The following MCPH1 variants were observed in gnomAD, a reference collection of about 807,000 sequenced individuals.
MCPH1 encodes the protein microcephalin.
MCPH1 carries 104 observed loss-of-function variants against 84.5 expected under a neutral mutation model. The observed-to-expected ratio is 1.23, with a 90% confidence interval of 1.05 to 1.45. The LOEUF (loss-of-function observed/expected upper bound fraction) is 1.45. Among genes scored for constraint, MCPH1 ranks in the 40% most tolerant of loss-of-function variants. The pLI is 0.00. For synonymous variants in MCPH1, 514 were observed against 366.8 expected (o/e 1.40, Z -4.58); for missense variants, 1,498 against 1,005.7 (o/e 1.49, Z -6.62).
At chr8:6,503,691 T>G (rs1219954678) in intron 12 of MCPH1, among the ~76,000 whole-genome samples, 1 of 152,230 alleles carries the variant, frequency 6.6e-6, no homozygotes, top group African/African-American at 2.4e-5. Flanking sequence ...TAAATGATTT[T>G]TTCGGTTGAA....
chr8:6,602,911 A>C (rs1185436138), intron 12 of MCPH1, among the ~76,000 whole-genome samples: 1 of 152,040 alleles, frequency 6.6e-6, no homozygotes, highest in African/African-American at 2.4e-5. Context: ...TAGAAAATAT[A>C]TATATATGTA....
chr8:6,578,513 G>A (rs556535912), intron 12 of MCPH1, among the ~76,000 whole-genome samples: 1 of 152,250 alleles, frequency 6.6e-6, no homozygotes, highest in East Asian at 1.9e-4. Context: ...AAAAATACTT[G>A]ATCATTTTCT....
intron 12 of MCPH1, among the ~76,000 whole-genome samples, chr8:6,527,001 A>C (rs1818460530): frequency 6.6e-6 from 1 of 152,194 alleles, no homozygotes. Flanking sequence ...TTGGATCATA[A>C]AATGTGCATT....
intron 12 of MCPH1, among the ~76,000 whole-genome samples, chr8:6,596,050 C>G (rs1421871565): frequency 6.6e-6 from 1 of 152,236 alleles, no homozygotes; most frequent in Admixed American, 6.5e-5. Context: ...AAGTATGTTT[C>G]TGTGTCCTTC....
In MCPH1 at chr8:6,445,855, C is replaced by T. The variant is rs537327208; in HGVS notation, c.1825+308C>T. The T allele has an allele frequency of 1.2e-3, 1,301 of 1,091,760 alleles. 2 individuals are homozygous for T. Among genetic ancestry groups the T allele is most frequent in the Non-Finnish European group, 1.4e-3 (1,232 of 899,068 alleles). 67.6% of individuals were successfully genotyped at this position (1,091,760 alleles called of 1,614,324 possible). A position where few individuals can be genotyped will look rare whatever the true frequency, so the allele number is the denominator to read the frequency against. On this transcript the variant is annotated intron_variant, in intron 8 of 13. Transcript: ENST00000344683. ...AACTGAGGGGAGTGAAGTCTTTTTCCTTATTCCATTGGAGTCTTGGCGCTG... is the reference window on the plus strand; with the variant it reads ...AACTGAGGGGAGTGAAGTCTTTTTCTTTATTCCATTGGAGTCTTGGCGCTG...
intron 12 of MCPH1, among the ~76,000 whole-genome samples, chr8:6,534,406 T>G (rs1449226861): frequency 3.9e-5 from 6 of 152,132 alleles, no homozygotes; most frequent in African/African-American, 1.4e-4. Context: ...GATTTTGGTA[T>G]TCTCGGGAAT....
chr8:6,598,364 C>T (rs1354792303), intron 12 of MCPH1, among the ~76,000 whole-genome samples: 2 of 152,032 alleles, frequency 1.3e-5, no homozygotes, highest in African/African-American at 4.8e-5. Flanking sequence ...AAGTAGGAGG[C>T]AAAGCAGAAG....
chr8:6,528,442 T>C (rs1290244854), intron 12 of MCPH1, among the ~76,000 whole-genome samples: 3 of 152,238 alleles, frequency 2.0e-5, no homozygotes, highest in Admixed American at 2.0e-4. Flanking sequence ...TATAAAAATA[T>C]AGATAATTTT....
At chr8:6,527,440 C>A (rs1334324954) in intron 12 of MCPH1, 8 of 1,323,594 alleles carry the variant, frequency 6.0e-6, no homozygotes, top group Admixed American at 4.3e-5. Flanking sequence ...AGGTTTCTGA[C>A]CCTTACACTA....
intron 12 of MCPH1, among the ~76,000 whole-genome samples, chr8:6,506,641 T>A (rs1198129250): frequency 6.6e-6 from 1 of 152,042 alleles, no homozygotes; most frequent in Non-Finnish European, 1.5e-5. Flanking sequence ...AAAGGATGAT[T>A]GTGCCAGGAT....
chr8:6,475,041 G>A (rs949407075), intron 9 of MCPH1, among the ~76,000 whole-genome samples: 1 of 152,092 alleles, frequency 6.6e-6, no homozygotes, highest in African/African-American at 2.4e-5. Context: ...CTTAATTTCT[G>A]GGAATTTTAG....
chr8:6,504,314 G>A (rs532395390), intron 12 of MCPH1, among the ~76,000 whole-genome samples: 1 of 55,116 alleles, frequency 1.8e-5, no homozygotes, highest in Non-Finnish European at 2.9e-5. Context: ...TGAGACTCCA[G>A]CTCAAAAAAA....
intron 12 of MCPH1, among the ~76,000 whole-genome samples, chr8:6,513,063 A>C (rs1229191013): frequency 1.3e-5 from 2 of 152,230 alleles, no homozygotes; most frequent in African/African-American, 4.8e-5. Flanking sequence ...TATCATGGGA[A>C]CACTTACTAT....
intron 12 of MCPH1, among the ~76,000 whole-genome samples, chr8:6,569,560 A>G (rs1211153948): frequency 2.0e-5 from 3 of 152,254 alleles, no homozygotes; most frequent in Non-Finnish European, 4.4e-5. Flanking sequence ...GAAGAAAAAT[A>G]TAAACACACA....
intron 12 of MCPH1, among the ~76,000 whole-genome samples, chr8:6,602,905 A>G (rs181327284): frequency 6.6e-6 from 1 of 152,190 alleles, no homozygotes; most frequent in East Asian, 1.9e-4. Context: ...TTAAAATAGA[A>G]AATATATATA....
chr8:6,611,840 G>C (rs540855338), intron 12 of MCPH1, among the ~76,000 whole-genome samples: 7 of 152,022 alleles, frequency 4.6e-5, no homozygotes. Context: ...GGATGGTCTC[G>C]GTCTCCTGAC....
chr8:6,589,731 A>T (rs1457435275), intron 12 of MCPH1, among the ~76,000 whole-genome samples: 2 of 152,222 alleles, frequency 1.3e-5, no homozygotes, highest in African/African-American at 2.4e-5. Context: ...TGTTTCCATG[A>T]CACGTGCTGC....
intron 11 of MCPH1, among the ~76,000 whole-genome samples, chr8:6,484,246 G>A (rs1482416118): frequency 1.3e-5 from 2 of 152,176 alleles, no homozygotes; most frequent in African/African-American, 4.8e-5. Flanking sequence ...AAATGGCAAA[G>A]AAAAGATTTG....
chr8:6,471,668 C>G (rs58739616), intron 9 of MCPH1, among the ~76,000 whole-genome samples: 1,821 of 152,290 alleles, frequency 0.012, 40 homozygotes, highest in African/African-American at 0.042. Context: ...CTTGGGTTAG[C>G]AGTCTCATGA....
Sources: gnomAD v4.1 joint callset for allele counts (sites outside exome capture counted in the v4.1 genomes callset) on GRCh38, gnomAD v4.1.1 for gene constraint, MANE v1.5 for transcripts, NCBI Gene and HGNC (gene_info 2026-07-23, HGNC 2026-07-21) for gene names.